The following PDE10A variants were observed in gnomAD, a reference collection of about 807,000 sequenced individuals.
The protein encoded by PDE10A is phosphodiesterase 10A, also known as cAMP and cAMP-inhibited cGMP 3',5'-cyclic phosphodiesterase 10A.
A neutral mutation model predicts 97.7 loss-of-function variants in PDE10A; 39 were observed. The observed-to-expected ratio is 0.40, with a 90% CI of 0.31 to 0.52. PDE10A has a LOEUF of 0.52. PDE10A is among the 20% of genes least tolerant of loss of function. The probability of loss-of-function intolerance (pLI) is 0.56; values close to 1 mark genes in which losing one functional copy is unlikely to be tolerated. For missense variants in PDE10A, 731 were observed against 1,047.8 expected, an observed-to-expected ratio of 0.70 and a Z score of 4.17; for synonymous variants, 371 against 376.8, an observed-to-expected ratio of 0.98 and a Z score of 0.18.
chr6:165,379,501 G>T, intron 17 of PDE10A, 135 bp from the exon 18 acceptor site: 2 of 630,910 alleles, frequency 3.2e-6, no homozygotes, highest in African/African-American at 1.9e-5. Flanking sequence ...GGTAACTTTT[G>T]TTTTTTTTGA....
chr6:165,852,197 C>T (rs1780591064), intron 1 of PDE10A, among the ~76,000 whole-genome samples: 1 of 152,128 alleles, frequency 6.6e-6, no homozygotes, highest in South Asian at 2.1e-4. Context: ...CCTGTGAGGC[C>T]CTTCATGTGC....
At chr6:165,392,820 G>T in intron 15 of PDE10A, 24 bp from the exon 16 acceptor site, 1 of 1,609,888 alleles carries the variant, frequency 6.2e-7, no homozygotes, top group South Asian at 1.1e-5. Context: ...AAATTGTTAT[G>T]ACTGAAACCA....
chr6:165,345,920 G>T (rs1363967190), intron 18 of PDE10A, among the ~76,000 whole-genome samples: 1 of 152,044 alleles, frequency 6.6e-6, no homozygotes, highest in Admixed American at 6.5e-5. Context: ...GTGAAGATCT[G>T]GGAGGAAGGT....
At chr6:165,774,647 C>T (rs913998172) in intron 1 of PDE10A, among the ~76,000 whole-genome samples, 1 of 147,498 alleles carries the variant, frequency 6.8e-6, no homozygotes, top group South Asian at 2.1e-4. Context: ...AAAAGAACTA[C>T]CAAATTTGCT....
At chr6:165,425,457 T>C (rs942704175) in intron 10 of PDE10A, among the ~76,000 whole-genome samples, 4 of 152,068 alleles carry the variant, frequency 2.6e-5, no homozygotes, top group Admixed American at 2.0e-4. Flanking sequence ...TCATCTACAC[T>C]GATGCACAAA....
chr6:165,509,470 T>C (rs1221428014), intron 2 of PDE10A, among the ~76,000 whole-genome samples: 3 of 152,004 alleles, frequency 2.0e-5, no homozygotes, highest in Admixed American at 6.6e-5. Context: ...TACCATGCTG[T>C]CTGGATTGCA....
chr6:165,949,169 A>G (rs781478370), intron 1 of PDE10A: 2 of 152,268 alleles, frequency 1.3e-5, no homozygotes, highest in African/African-American at 4.8e-5. Flanking sequence ...TATAGGCTCC[A>G]TGGCAAGATG....
At chr6:165,636,945 A>G (rs540407238) in intron 1 of PDE10A, among the ~76,000 whole-genome samples, 7 of 152,276 alleles carry the variant, frequency 4.6e-5, no homozygotes, top group Non-Finnish European at 8.8e-5. Flanking sequence ...GCCATGACCC[A>G]CCTGAGACGA....
At chr6:165,961,890 T>A (rs1784371169) in intron 1 of PDE10A, among the ~76,000 whole-genome samples, 1 of 152,230 alleles carries the variant, frequency 6.6e-6, no homozygotes, top group South Asian at 2.1e-4. Flanking sequence ...AAAGGTGGTT[T>A]GTGGGCAATG....
At chr6:165,649,329 A>G (rs936829401) in intron 1 of PDE10A, among the ~76,000 whole-genome samples, 1 of 152,204 alleles carries the variant, frequency 6.6e-6, no homozygotes, top group Non-Finnish European at 1.5e-5. Flanking sequence ...AGCACAGGAA[A>G]ATAAGCAGGA....
At chr6:165,958,737 AAGAAAGAAAG>A (rs766947179) in intron 1 of PDE10A, among the ~76,000 whole-genome samples, 4,059 of 27,718 alleles carry the variant, frequency 0.15, 266 homozygotes, top group African/African-American at 0.24. Flanking sequence ...GAAAGAAAGA[AAGAAAGAAAG>A]AGAAAGAAAG....
At chr6:165,785,154 G>T (rs954233086) in intron 1 of PDE10A, among the ~76,000 whole-genome samples, 2 of 152,214 alleles carry the variant, frequency 1.3e-5, no homozygotes, top group African/African-American at 2.4e-5. Flanking sequence ...ACCTCGAAGA[G>T]CCTCAGTCTC....
chr6:165,679,841 T>A, intron 1 of PDE10A, among the ~76,000 whole-genome samples: 1 of 152,076 alleles, frequency 6.6e-6, no homozygotes, highest in East Asian at 1.9e-4. Context: ...TATCTTATGG[T>A]CACCATGGAT....
chr6:165,422,979 T>C (rs529502049), intron 10 of PDE10A, among the ~76,000 whole-genome samples: 6 of 152,286 alleles, frequency 3.9e-5, no homozygotes, highest in Admixed American at 3.9e-4. Flanking sequence ...TATTATCTTG[T>C]TGGTGAAGTG....
At chr6:165,386,970 C>A (rs766653311) in intron 17 of PDE10A, among the ~76,000 whole-genome samples, 1 of 151,984 alleles carries the variant, frequency 6.6e-6, no homozygotes, top group South Asian at 2.1e-4. Flanking sequence ...GAGCCCAGAT[C>A]GCGCCACTGC....
intron 1 of PDE10A, among the ~76,000 whole-genome samples, chr6:165,620,775 C>G (rs1788088077): frequency 3.4e-5 from 4 of 119,068 alleles, no homozygotes; most frequent in African/African-American, 1.3e-4. Flanking sequence ...GTAATCCCAA[C>G]CCTTTGGGAG....
In PDE10A at chr6:165,661,602, T is replaced by C. The variant is rs1790265812; in HGVS notation, c.865+345A>G. The C allele has an allele frequency of 3.6e-6, 1 of 275,492 alleles. No individual in the cohort carries two copies. The highest frequency in any genetic ancestry group is 5.7e-5 in the Admixed American group (1 of 17,680). The allele number at this position is 275,492 out of a possible 1,614,324, so 17.1% of individuals were successfully genotyped here. A position where few individuals can be genotyped will look rare whatever the true frequency, so the allele number is the denominator to read the frequency against. ...ACCTAAGTGGTCACAAAGTTGAGTA[T>C]AAATACGCGCCGGACAAGTGTGGCC... On this transcript the variant is annotated intron_variant, in intron 1 of 21. Coordinates refer to ENST00000539869, the MANE Select transcript of PDE10A (RefSeq NM_001385079.1). This position sits in a 1 kb window ranked among gnomAD's most constrained non-coding sequence, Gnocchi z 4.8.
chr6:165,643,914 C>T lies in PDE10A; in HGVS notation c.865+18033G>A, dbSNP rs538411040. Among the ~76,000 whole-genome samples, 8 of 152,300 alleles carry T rather than the reference C, an allele frequency of 5.3e-5. No homozygotes were observed. In the East Asian group the frequency reaches 1.5e-3, roughly 29 times the overall value. On this transcript the variant is annotated intron_variant, in intron 1 of 21. Coordinates refer to ENST00000539869, the MANE Select transcript of PDE10A (RefSeq NM_001385079.1). ...TAATTCACCTGATTTAATCATTCCACAATGTATGCATACATCAAAGAATCA... is the reference window on the plus strand; with the variant it reads ...TAATTCACCTGATTTAATCATTCCATAATGTATGCATACATCAAAGAATCA...
intron 1 of PDE10A, among the ~76,000 whole-genome samples, chr6:165,901,142 C>G (rs1217130575): frequency 6.6e-6 from 1 of 152,180 alleles, no homozygotes; most frequent in African/African-American, 2.4e-5. Context: ...AACATTCACC[C>G]ACTTGGAAGC....
Sources: gnomAD v4.1 joint callset for allele counts (sites outside exome capture counted in the v4.1 genomes callset) on GRCh38, gnomAD v4.1.1 for gene constraint, Gnocchi (gnomAD v3.1) non-coding constraint, MANE v1.5 for transcripts, NCBI Gene and HGNC (gene_info 2026-07-23, HGNC 2026-07-21) for gene names.